CFAP95: variants seen among roughly 807,000 people sequenced by gnomAD.
CFAP95 encodes cilia- and flagella-associated protein 95.
the CFAP95 span, among the ~76,000 whole-genome samples, chr9:69,885,597 C>G: frequency 6.6e-6 from 1 of 152,112 alleles, no homozygotes; most frequent in Non-Finnish European, 1.5e-5. Flanking sequence ...TCAGGGTTTC[C>G]CTTTTGGGCT....
chr9:69,823,617 A>T, the CFAP95 span, among the ~76,000 whole-genome samples: 1 of 152,218 alleles, frequency 6.6e-6, no homozygotes, highest in African/African-American at 2.4e-5. Context: ...AGTAGAAGTT[A>T]GTTTCGCTCA....
At chr9:69,828,691 A>G in the CFAP95 span, among the ~76,000 whole-genome samples, 6 of 152,184 alleles carry the variant, frequency 3.9e-5, no homozygotes, top group African/African-American at 1.4e-4. Context: ...CCCTGTTTCC[A>G]AAAAATAAAA....
At chr9:69,878,112 T>A in the CFAP95 span, among the ~76,000 whole-genome samples, 1 of 152,146 alleles carries the variant, frequency 6.6e-6, no homozygotes, top group Non-Finnish European at 1.5e-5. Flanking sequence ...TAATGACACG[T>A]TTCTGGGGTG....
At chr9:69,826,044 A>G in the CFAP95 span, among the ~76,000 whole-genome samples, 9 of 152,190 alleles carry the variant, frequency 5.9e-5, no homozygotes, top group Admixed American at 3.9e-4. Flanking sequence ...ACAGAAAAAA[A>G]GGGAAGAATT....
At chr9:69,852,071 A>T in the CFAP95 span, among the ~76,000 whole-genome samples, 1 of 152,184 alleles carries the variant, frequency 6.6e-6, no homozygotes, top group Non-Finnish European at 1.5e-5. Context: ...GTTAACCTAG[A>T]TGTGAAAACA....
the CFAP95 span, among the ~76,000 whole-genome samples, chr9:69,888,462 G>A: frequency 2.6e-5 from 4 of 152,018 alleles, no homozygotes; most frequent in Non-Finnish European, 4.4e-5. Flanking sequence ...TTACAAAGTA[G>A]GAAATATAAT....
At chr9:69,872,126 C>T in the CFAP95 span, among the ~76,000 whole-genome samples, 1 of 152,212 alleles carries the variant, frequency 6.6e-6, no homozygotes, top group East Asian at 1.9e-4. Context: ...AAACTCCTAT[C>T]TGGTCTGTCT....
chr9:69,905,153 A>G, the CFAP95 span, among the ~76,000 whole-genome samples: 2 of 152,232 alleles, frequency 1.3e-5, no homozygotes, highest in Non-Finnish European at 2.9e-5. Flanking sequence ...GGTTGAATAT[A>G]TGATGATAAT....
the CFAP95 span, chr9:69,884,525 G>T: frequency 5.3e-5 from 8 of 152,212 alleles, no homozygotes. Context: ...CCATACTGAT[G>T]TTGAACTTAG....
At chr9:69,897,107 A>G in the CFAP95 span, among the ~76,000 whole-genome samples, 2 of 152,314 alleles carry the variant, frequency 1.3e-5, no homozygotes, top group South Asian at 2.1e-4. Flanking sequence ...AGTGCATGTA[A>G]TTGGTAAAGA....
the CFAP95 span, among the ~76,000 whole-genome samples, chr9:69,879,537 A>G: frequency 6.6e-6 from 1 of 152,176 alleles, no homozygotes; most frequent in African/African-American, 2.4e-5. Context: ...ATGGATAAAT[A>G]TGCATATGAC....
chr9:69,899,698 C>A, the CFAP95 span, among the ~76,000 whole-genome samples: 1 of 152,218 alleles, frequency 6.6e-6, no homozygotes, highest in Non-Finnish European at 1.5e-5. Context: ...ATGCTGAACA[C>A]CTGTTTCCTT....
the CFAP95 span, among the ~76,000 whole-genome samples, chr9:69,870,182 TA>T: frequency 0.03 from 4,521 of 152,248 alleles, 193 homozygotes; most frequent in African/African-American, 0.1. Context: ...ATATCTGAGT[TA>T]ATTCTTTCAA....
At chr9:69,859,269 A>G in the CFAP95 span, among the ~76,000 whole-genome samples, 6 of 150,758 alleles carry the variant, frequency 4.0e-5, no homozygotes, top group Non-Finnish European at 8.9e-5. Context: ...TTTACTATCT[A>G]CTTTCCTCTC....
the CFAP95 span, among the ~76,000 whole-genome samples, chr9:69,850,493 A>C: frequency 2.0e-5 from 3 of 152,230 alleles, no homozygotes; most frequent in Non-Finnish European, 4.4e-5. Context: ...ACATTTAAAA[A>C]CTAATGTCCT....
the CFAP95 span, among the ~76,000 whole-genome samples, chr9:69,864,393 G>GATGGTATAGAA: frequency 5.3e-5 from 8 of 151,934 alleles, no homozygotes. Flanking sequence ...AATAGGATAG[G>GATGGTATAGAA]AAACCTGGGT....
chr9:69,854,123 G>A, the CFAP95 span, among the ~76,000 whole-genome samples: 1 of 152,198 alleles, frequency 6.6e-6, no homozygotes, highest in Non-Finnish European at 1.5e-5. Context: ...TTTGCCGCTG[G>A]TATAGGAAAC....
the CFAP95 span, among the ~76,000 whole-genome samples, chr9:69,845,626 G>A: frequency 1.5e-4 from 23 of 151,980 alleles, no homozygotes; most frequent in Admixed American, 1.5e-3. Flanking sequence ...AGTTGCAGTG[G>A]ACAGAGAGTA....
At chr9:69,868,601 T>C in the CFAP95 span, among the ~76,000 whole-genome samples, 1 of 148,086 alleles carries the variant, frequency 6.8e-6, no homozygotes, top group South Asian at 2.1e-4. Context: ...GAGGTTGCAG[T>C]GAGCTGAGAT....
Sources: allele counts gnomAD v4.1 joint callset (sites outside exome capture counted in the v4.1 genomes callset), GRCh38; gene constraint gnomAD v4.1.1; transcripts MANE v1.5; gene names NCBI Gene and HGNC (gene_info 2026-07-23, HGNC 2026-07-21).